Variants in ADGRG1 observed in about 807,000 individuals in gnomAD.
ADGRG1 encodes adhesion G protein-coupled receptor G1.
In ADGRG1, 53 loss-of-function variants were observed where a neutral mutation model predicts 73.5. The observed-to-expected ratio is 0.72, with a 90% CI of 0.58 to 0.91. The LOEUF is 0.91. Ranked by LOEUF, ADGRG1 falls within the 40% of genes least tolerant of loss-of-function variation. The probability of loss-of-function intolerance (pLI) is 0.00; values close to 1 mark genes in which losing one functional copy is unlikely to be tolerated. For missense variants in ADGRG1, 795 were observed against 871.8 expected (o/e 0.91, Z 1.11); for synonymous variants, 394 against 374.4 (o/e 1.05, Z -0.60).
chr16:57,631,565 G>T, intron 1 of ADGRG1: 10 of 985,566 alleles, frequency 1.0e-5, no homozygotes, highest in Non-Finnish European at 1.1e-5. Context: ...CTCAGCCCCC[G>T]TCCCCATGCT....
chr16:57,627,704 A>G (rs1021956388), upstream of ADGRG1: 3 of 724,242 alleles, frequency 4.1e-6, no homozygotes, highest in African/African-American at 4.0e-5. Context: ...AGCACATCTG[A>G]CTGAGGAATC....
chr16:57,632,606 A>G (rs2038275485), intron 1 of ADGRG1, among the ~76,000 whole-genome samples: 1 of 152,190 alleles, frequency 6.6e-6, no homozygotes, highest in Non-Finnish European at 1.5e-5. Context: ...AGCTGCGGCC[A>G]CCTGGACACC....
At chr16:57,636,519 G>A in intron 1 of ADGRG1, 1 of 985,334 alleles carries the variant, frequency 1.0e-6, no homozygotes, top group Non-Finnish European at 1.2e-6. Context: ...TTAGATGCTG[G>A]AGAGTGGAGA....
intron 13 of ADGRG1, among the ~76,000 whole-genome samples, chr16:57,662,234 G>A (rs539224465): frequency 2.6e-5 from 4 of 152,354 alleles, no homozygotes; most frequent in East Asian, 3.9e-4. Flanking sequence ...GGAAGACTGC[G>A]CATGAGCAGG....
rs774067802 is a variant in ADGRG1 at position 57,650,279 on chromosome 16, C to T, written c.-9C>T. On this transcript the variant is annotated 5_prime_UTR_variant, in exon 2 of 14. Transcript: ENST00000562631. ...TGGTGACTTCCAAGAGTGACTCCGTCGGAGGAAAATGACTCCCCAGTCGCT... is the reference window on the plus strand; with the variant it reads ...TGGTGACTTCCAAGAGTGACTCCGTTGGAGGAAAATGACTCCCCAGTCGCT... The T allele has an allele frequency of 6.2e-6, 10 of 1,612,186 alleles. No individual in the cohort carries two copies. Among genetic ancestry groups the T allele is most frequent in the African/African-American group, 2.7e-5 (2 of 74,878 alleles).
At chr16:57,653,178 G>A (rs764888009) in intron 3 of ADGRG1, 25 bp from the exon 4 acceptor site, 34 of 1,604,030 alleles carry the variant, frequency 2.1e-5, no homozygotes, top group South Asian at 4.4e-5. Context: ...CAGCCTCGGC[G>A]GGGGCCTGTC....
In ADGRG1 at chr16:57,651,588, G is replaced by T. The variant is rs747303828; in HGVS notation, c.453G>T (p.Leu151=). The change falls in exon 3 of 14, where the codon CTG becomes CTT. Residue 151 remains leucine (L), a synonymous_variant. Coordinates refer to ENST00000562631, the MANE Select transcript of ADGRG1 (RefSeq NM_201525.4). ...GGTGGAGCCCTCAGAACATCAGCCT[G>T]CCCAGTGCCGCCAGCTTCACCTTCT... is the stretch of plus-strand genomic sequence containing the variant. The part of the protein sequence containing the change: ...TSWWSPQNIS[L]PSAASFTFSF... 1.2e-6 allele frequency: 2 copies of T among 1,613,960 alleles called. No homozygotes were observed. The highest frequency in any genetic ancestry group is 1.1e-5 in the South Asian group (1 of 91,090).
chr16:57,658,739 A>G (rs1198099254), intron 10 of ADGRG1: 1 of 153,088 alleles, frequency 6.5e-6, no homozygotes, highest in Non-Finnish European at 1.5e-5. Flanking sequence ...TCTGTGTCAG[A>G]TGCTTTGTGT....
At chr16:57,661,371 G>T in intron 12 of ADGRG1, 1 of 985,108 alleles carries the variant, frequency 1.0e-6, no homozygotes. Context: ...AACCCAAACC[G>T]GAAGCCAGGG....
intron 1 of ADGRG1, chr16:57,641,390 A>G (rs991139896): frequency 8.2e-6 from 8 of 979,820 alleles, no homozygotes; most frequent in African/African-American, 1.8e-5. Flanking sequence ...ATGAACCTCT[A>G]CGTGGCTGCA....
rs569686303 is a variant in ADGRG1 at position 57,631,466 on chromosome 16, G to A, written c.-36+2664G>A. 3.9e-3 allele frequency: 3,833 copies of A among 985,588 alleles called. 11 individuals carry two copies. Among genetic ancestry groups the A allele is most frequent in the Non-Finnish European group, 4.4e-3 (3,615 of 830,074 alleles). The allele number at this position is 985,588 out of a possible 1,614,324, so 61.1% of individuals were successfully genotyped here. A position where few individuals can be genotyped will look rare whatever the true frequency, so the allele number is the denominator to read the frequency against. The stretch of plus-strand genomic sequence containing the variant: ...CCATGGAGGAGGCCGTGGGGAAGTC[G>A]GGTGGAAGTAGGGAGGAGAGGGGAG... On this transcript the variant is annotated intron_variant, in intron 1 of 13. Transcript: ENST00000562631.
At chr16:57,629,173 G>C (rs1452309421) in intron 1 of ADGRG1, 11 of 985,072 alleles carry the variant, frequency 1.1e-5, no homozygotes, top group Non-Finnish European at 1.3e-5. Flanking sequence ...GGAAATGGGG[G>C]GGTCTTGGTA....
upstream of ADGRG1, chr16:57,623,842 A>C: frequency 1.0e-6 from 1 of 984,964 alleles, no homozygotes; most frequent in Middle Eastern, 5.2e-4. Context: ...AGGAGATAGC[A>C]GGGAGGTGGC....
chr16:57,663,154 G>C (rs184323904), intron 13 of ADGRG1: 1 of 894,708 alleles, frequency 1.1e-6, no homozygotes, highest in Admixed American at 6.2e-5. Context: ...TTGAGCCCTG[G>C]CTCAGCCACG....
chr16:57,643,467 C>T (rs1455735643), intron 1 of ADGRG1: 15 of 636,922 alleles, frequency 2.4e-5, no homozygotes, highest in Non-Finnish European at 2.7e-5. Flanking sequence ...ACTCTTCCCA[C>T]AGGGTGTGTC....
At chr16:57,632,367 C>T (rs1336328113) in intron 1 of ADGRG1, 21 of 957,244 alleles carry the variant, frequency 2.2e-5, no homozygotes, top group African/African-American at 1.8e-4. Context: ...GCCTGTGCCT[C>T]GGTTTCCTCA....
chr16:57,648,242 G>T (rs1283797967), intron 1 of ADGRG1: 2 of 153,020 alleles, frequency 1.3e-5, no homozygotes, highest in African/African-American at 4.8e-5. Context: ...AGGAAAGAGG[G>T]GGTCCGGAAG....
upstream of ADGRG1, chr16:57,625,794 A>G (rs568423075): frequency 3.2e-5 from 10 of 312,202 alleles, no homozygotes; most frequent in Non-Finnish European, 4.7e-5. Flanking sequence ...CACTTTCAAA[A>G]TCTTCCAGAA....
At chr16:57,625,919 T>C (rs1466880246), upstream of ADGRG1, among the ~76,000 whole-genome samples, 1 of 152,180 alleles carries the variant, frequency 6.6e-6, no homozygotes, top group Non-Finnish European at 1.5e-5. Context: ...CCTGCTGGTC[T>C]CTGTTTATCG....
Sources: gnomAD v4.1 joint callset for allele counts (sites outside exome capture counted in the v4.1 genomes callset) on GRCh38, gnomAD v4.1.1 for gene constraint, MANE v1.5 for transcripts, NCBI Gene and HGNC (gene_info 2026-07-23, HGNC 2026-07-21) for gene names.